The following DNAI3 variants were observed in gnomAD, a reference collection of about 807,000 sequenced individuals.
DNAI3 encodes the protein WD repeat domain 63.
In DNAI3, 83 loss-of-function variants were observed where a neutral mutation model predicts 115.5. The ratio of observed to expected loss-of-function variants is 0.72; its 90% confidence interval spans 0.60 to 0.86. DNAI3 has a LOEUF of 0.86. Ranked by LOEUF, DNAI3 falls within the 40% of genes least tolerant of loss-of-function variation. The pLI is 0.00. For synonymous variants in DNAI3, 320 were observed against 347.0 expected (o/e 0.92, Z 0.86); for missense variants, 1,004 against 1,075.8 (o/e 0.93, Z 0.93).
intron 16 of DNAI3, among the ~76,000 whole-genome samples, chr1:85,114,408 A>G (rs1033443316): frequency 6.6e-6 from 1 of 152,222 alleles, no homozygotes; most frequent in African/African-American, 2.4e-5. Flanking sequence ...TGAGTTTTCT[A>G]TATAGATAAT....
At chr1:85,107,419 T>A (rs1172372694) in intron 14 of DNAI3, among the ~76,000 whole-genome samples, 1 of 152,202 alleles carries the variant, frequency 6.6e-6, no homozygotes, top group Non-Finnish European at 1.5e-5. Context: ...AACGAAGTCC[T>A]GATACGTGCC....
chr1:85,076,670 T>C (rs868738184), intron 3 of DNAI3, among the ~76,000 whole-genome samples: 1 of 152,124 alleles, frequency 6.6e-6, no homozygotes, highest in African/African-American at 2.4e-5. Flanking sequence ...ATGAGACTTA[T>C]TCACTATCAT....
At chr1:85,119,602 C>T (rs539881516) in intron 17 of DNAI3, among the ~76,000 whole-genome samples, 85 of 152,322 alleles carry the variant, frequency 5.6e-4, no homozygotes, top group Non-Finnish European at 9.7e-4. Context: ...CCAGACTCTT[C>T]ACACCATGGC....
chr1:85,091,125 A>AT (rs1190140502), intron 8 of DNAI3, among the ~76,000 whole-genome samples: 2 of 152,170 alleles, frequency 1.3e-5, no homozygotes, highest in Admixed American at 6.5e-5. Flanking sequence ...GGATGCTATA[A>AT]TTTTTGCTAT....
intron 21 of DNAI3, 65 bp downstream of exon 21, chr1:85,128,864 A>G: frequency 6.9e-7 from 1 of 1,449,740 alleles, no homozygotes; most frequent in Non-Finnish European, 9.5e-7. Flanking sequence ...ATGTCTTTAA[A>G]AAAATGTTAG....
chr1:85,110,005 C>T (rs1557721441), intron 15 of DNAI3, 43 bp from the exon 16 acceptor site: 3 of 1,572,566 alleles, frequency 1.9e-6, no homozygotes, highest in Non-Finnish European at 2.6e-6. Context: ...AGGATAATTT[C>T]AGGATATGTG....
At chr1:85,116,238 C>A (rs922772903) in intron 16 of DNAI3, among the ~76,000 whole-genome samples, 1 of 152,238 alleles carries the variant, frequency 6.6e-6, no homozygotes, top group Non-Finnish European at 1.5e-5. Context: ...CCAATCTACC[C>A]TATCCAAGTC....
intron 8 of DNAI3, among the ~76,000 whole-genome samples, chr1:85,091,521 A>G (rs1654975680): frequency 6.6e-6 from 1 of 152,242 alleles, no homozygotes; most frequent in South Asian, 2.1e-4. Context: ...TATCACTGCA[A>G]ACATAACTTC....
intron 17 of DNAI3, among the ~76,000 whole-genome samples, chr1:85,120,885 TC>T (rs1406140390): frequency 1.3e-5 from 2 of 152,214 alleles, no homozygotes; most frequent in African/African-American, 4.8e-5. Flanking sequence ...AGTGACCTTG[TC>T]CCCAGTGAGT....
chr1:85,071,582 C>G (rs1255306917), intron 1 of DNAI3, among the ~76,000 whole-genome samples: 1 of 152,242 alleles, frequency 6.6e-6, no homozygotes, highest in Non-Finnish European at 1.5e-5. Flanking sequence ...AAAGGCAGCA[C>G]AGAGCAGCTA....
intron 13 of DNAI3, among the ~76,000 whole-genome samples, chr1:85,100,992 G>C (rs1013899289): frequency 6.6e-6 from 1 of 151,498 alleles, no homozygotes; most frequent in African/African-American, 2.4e-5. Context: ...GGGAGGAGGG[G>C]GGATAGCATT....
At chr1:85,085,592 G>A (rs1007405424) in intron 6 of DNAI3, among the ~76,000 whole-genome samples, 14 of 152,212 alleles carry the variant, frequency 9.2e-5, no homozygotes, top group Admixed American at 6.5e-5. Context: ...CATTAGTCAA[G>A]ATGAAACTGC....
rs138711466 is a variant in DNAI3, at chr1:85,071,471, G to A, written c.-14-457G>A. On this transcript the variant is annotated intron_variant, in intron 1 of 22. Transcript: ENST00000294664. ...GAGATAAAAGTATGAGCTCAATTACGTTAATTTAAAAATTATATATGCATA... is the reference window on the plus strand; with the variant it reads ...GAGATAAAAGTATGAGCTCAATTACATTAATTTAAAAATTATATATGCATA... 3.1e-3 allele frequency among the ~76,000 whole-genome samples: 466 copies of A among 152,306 alleles called. 2 individuals are homozygous for A. The highest frequency in any genetic ancestry group is 0.011 in the African/African-American group (448 of 41,572).
chr1:85,111,991 A>G (rs1655673706), intron 16 of DNAI3, among the ~76,000 whole-genome samples: 1 of 152,028 alleles, frequency 6.6e-6, no homozygotes, highest in African/African-American at 2.4e-5. Context: ...CAACGGATCT[A>G]CTTTCTGTCA....
intron 19 of DNAI3, among the ~76,000 whole-genome samples, chr1:85,125,818 A>C (rs1656119054): frequency 6.6e-6 from 1 of 152,202 alleles, no homozygotes; most frequent in Admixed American, 6.6e-5. Context: ...TAGGCGAAGG[A>C]GCACCCCTGG....
intron 10 of DNAI3, among the ~76,000 whole-genome samples, chr1:85,095,352 T>C (rs369871247): frequency 3.9e-5 from 6 of 152,196 alleles, no homozygotes; most frequent in Admixed American, 2.0e-4. Flanking sequence ...CTTTCCCCAA[T>C]TCATTTGAAT....
intron 22 of DNAI3, among the ~76,000 whole-genome samples, chr1:85,132,075 A>T (rs1255602275): frequency 6.6e-6 from 1 of 152,158 alleles, no homozygotes; most frequent in African/African-American, 2.4e-5. Flanking sequence ...TTGAGAACAT[A>T]AAAAAAGTCA....
At chr1:85,106,582 T>A (rs1377965668) in intron 14 of DNAI3, among the ~76,000 whole-genome samples, 2 of 152,150 alleles carry the variant, frequency 1.3e-5, no homozygotes, top group South Asian at 4.1e-4. Flanking sequence ...AACAATCTTG[T>A]CAAGGAAGAA....
Position 85,095,920 on chromosome 1 carries a change from G to A in DNAI3, c.1174-11G>A, listed in dbSNP as rs1366302442. 3 of 1,612,330 alleles carry A rather than the reference G, an allele frequency of 1.9e-6. No homozygotes were observed. The highest frequency in any genetic ancestry group is 2.7e-5 in the African/African-American group (2 of 74,850). On this transcript the variant is annotated splice_polypyrimidine_tract_variant and intron_variant, in intron 10 of 22. Coordinates refer to ENST00000294664, the MANE Select transcript of DNAI3 (RefSeq NM_145172.5). ...TCTCATTCTTTCATGAATTTGCTGG[G>A]TTTACTTTAGTTAATGCTGGAGAGC...
Sources: allele counts gnomAD v4.1 joint callset (sites outside exome capture counted in the v4.1 genomes callset), GRCh38; gene constraint gnomAD v4.1.1; transcripts MANE v1.5; gene names NCBI Gene and HGNC (gene_info 2026-07-23, HGNC 2026-07-21).